ARB2A: variants seen among roughly 807,000 people sequenced by gnomAD.
ARB2A encodes the protein cotranscriptional regulator ARB2A.
chr5:94,024,866 T>TA, the ARB2A span, among the ~76,000 whole-genome samples: 1 of 151,940 alleles, frequency 6.6e-6, no homozygotes, highest in Non-Finnish European at 1.5e-5. Flanking sequence ...CATGATAAAC[T>TA]AAAAAACGCA....
At chr5:93,942,531 G>GA in the ARB2A span, among the ~76,000 whole-genome samples, 14 of 148,630 alleles carry the variant, frequency 9.4e-5, no homozygotes, top group South Asian at 4.3e-4. Flanking sequence ...CTCTTTAAGG[G>GA]AAAAAAAAAC....
At chr5:93,888,608 T>C in the ARB2A span, among the ~76,000 whole-genome samples, 2 of 151,788 alleles carry the variant, frequency 1.3e-5, no homozygotes, top group Non-Finnish European at 2.9e-5. Context: ...CTAAAACATT[T>C]CTGGTAGCCA....
chr5:94,066,753 T>C, the ARB2A span, among the ~76,000 whole-genome samples: 1 of 152,076 alleles, frequency 6.6e-6, no homozygotes, highest in Admixed American at 6.5e-5. Context: ...TTCTACCAAA[T>C]GTCTAAAGAA....
the ARB2A span, chr5:93,620,719 A>T: frequency 3.0e-6 from 1 of 334,352 alleles, no homozygotes; most frequent in Non-Finnish European, 5.3e-6. Context: ...CGAGCCAGGC[A>T]GGGCGCTGTC....
chr5:93,749,389 T>C, the ARB2A span, among the ~76,000 whole-genome samples: 1 of 152,192 alleles, frequency 6.6e-6, no homozygotes, highest in East Asian at 1.9e-4. Context: ...AGGTAATACA[T>C]TGTGGTAACT....
chr5:93,739,568 T>C, the ARB2A span: 1 of 152,084 alleles, frequency 6.6e-6, no homozygotes, highest in Non-Finnish European at 1.5e-5. Context: ...TGACAGCAGA[T>C]TTGAAAACAC....
At chr5:94,012,206 T>C in the ARB2A span, among the ~76,000 whole-genome samples, 1 of 152,014 alleles carries the variant, frequency 6.6e-6, no homozygotes, top group East Asian at 1.9e-4. Context: ...ATCAAGACCA[T>C]CCTGGCTAAC....
the ARB2A span, among the ~76,000 whole-genome samples, chr5:93,913,874 A>G: frequency 6.6e-6 from 1 of 152,154 alleles, no homozygotes; most frequent in East Asian, 1.9e-4. Context: ...ATAACATTGA[A>G]TAATTTTAAT....
At chr5:93,908,365 T>C in the ARB2A span, among the ~76,000 whole-genome samples, 1 of 150,914 alleles carries the variant, frequency 6.6e-6, no homozygotes, top group Non-Finnish European at 1.5e-5. Flanking sequence ...GTCTGAGATA[T>C]AAACATTTAA....
chr5:93,751,418 A>C, the ARB2A span, among the ~76,000 whole-genome samples: 1 of 152,236 alleles, frequency 6.6e-6, no homozygotes, highest in Non-Finnish European at 1.5e-5. Flanking sequence ...CTTAGACATC[A>C]AATATCAGTT....
At chr5:94,075,919 G>A in the ARB2A span, among the ~76,000 whole-genome samples, 1 of 152,022 alleles carries the variant, frequency 6.6e-6, no homozygotes, top group Non-Finnish European at 1.5e-5. Flanking sequence ...CTACCGATGA[G>A]CCCTTGACAA....
chr5:93,631,439 A>C, the ARB2A span, among the ~76,000 whole-genome samples: 2 of 152,160 alleles, frequency 1.3e-5, 1 homozygote, highest in South Asian at 4.1e-4. Flanking sequence ...TTTCCCATTA[A>C]AACTTCAGCT....
the ARB2A span, among the ~76,000 whole-genome samples, chr5:93,725,903 A>G: frequency 6.6e-6 from 1 of 152,034 alleles, no homozygotes; most frequent in Admixed American, 6.6e-5. Flanking sequence ...AGGTAGGTGG[A>G]TAAGGGGGCT....
At chr5:94,015,320 A>T in the ARB2A span, among the ~76,000 whole-genome samples, 14 of 152,210 alleles carry the variant, frequency 9.2e-5, no homozygotes, top group Non-Finnish European at 2.9e-5. Flanking sequence ...ATAGGAAGGA[A>T]CAATAAAGTC....
At chr5:93,985,764 G>A in the ARB2A span, among the ~76,000 whole-genome samples, 1 of 152,110 alleles carries the variant, frequency 6.6e-6, no homozygotes. Flanking sequence ...GCGTGATCTC[G>A]GCTGGCTACA....
chr5:93,992,368 A>T, the ARB2A span, among the ~76,000 whole-genome samples: 2 of 152,082 alleles, frequency 1.3e-5, no homozygotes, highest in African/African-American at 4.8e-5. Flanking sequence ...GTGAAGTGGC[A>T]TCATTTTCTA....
At chr5:94,090,867 C>A in the ARB2A span, among the ~76,000 whole-genome samples, 2 of 152,042 alleles carry the variant, frequency 1.3e-5, no homozygotes, top group African/African-American at 4.8e-5. Context: ...CATCCCATAT[C>A]ATCACTAAAA....
At chr5:93,838,257 T>C in the ARB2A span, among the ~76,000 whole-genome samples, 1 of 152,216 alleles carries the variant, frequency 6.6e-6, no homozygotes, top group African/African-American at 2.4e-5. Context: ...GAATAGGTAG[T>C]CCTTTTCCCA....
chr5:94,020,829 G>A, the ARB2A span, among the ~76,000 whole-genome samples: 2 of 152,048 alleles, frequency 1.3e-5, no homozygotes, highest in Non-Finnish European at 2.9e-5. Context: ...AAGTGTCTAC[G>A]GACTAAAACT....
Sources: allele counts gnomAD v4.1 joint callset (sites outside exome capture counted in the v4.1 genomes callset), GRCh38; gene constraint gnomAD v4.1.1; transcripts MANE v1.5; gene names NCBI Gene and HGNC (gene_info 2026-07-23, HGNC 2026-07-21).